EXOC3: variants seen among roughly 807,000 people sequenced by gnomAD.
The protein encoded by EXOC3 is exocyst complex component 3, also known as SEC6-like 1.
A neutral mutation model predicts 73.7 loss-of-function variants in EXOC3; 21 were observed. The observed-to-expected ratio is 0.29, with a 90% CI of 0.20 to 0.41. The LOEUF is 0.41. EXOC3 is among the 10% of genes least tolerant of loss of function. The pLI is 1.00. For synonymous variants in EXOC3, 410 were observed against 389.1 expected, an observed-to-expected ratio of 1.05 and a Z score of -0.63; for missense variants, 842 against 985.1, an observed-to-expected ratio of 0.85 and a Z score of 1.95.
chr5:461,039 T>G (rs1737968894), intron 7 of EXOC3, among the ~76,000 whole-genome samples: 2 of 152,256 alleles, frequency 1.3e-5, no homozygotes, highest in Non-Finnish European at 2.9e-5. Context: ...CTGTTTGTTT[T>G]CTTGACATTT....
chr5:447,863 G>T, intron 3 of EXOC3, 111 bp downstream of exon 3: 3 of 730,886 alleles, frequency 4.1e-6, no homozygotes, highest in South Asian at 2.0e-5. Flanking sequence ...CCTGTAGACG[G>T]TAAGTGTGAT....
chr5:453,365 C>G lies in EXOC3; in HGVS notation c.365-5C>G. 7 of 1,565,528 alleles carry G rather than the reference C, an allele frequency of 4.5e-6. No homozygotes were observed. The highest frequency in any genetic ancestry group is 6.1e-6 in the Non-Finnish European group (7 of 1,154,050). On this transcript the variant is annotated splice_polypyrimidine_tract_variant and splice_region_variant and intron_variant, in intron 3 of 12. Coordinates refer to ENST00000512944, the MANE Select transcript of EXOC3 (RefSeq NM_007277.5). ...TTTATGTTGTGTCTTGTGCCTTCTC[C>G]CTAGTGCCTGAGATTGTGAGGGAGA...
In EXOC3 at chr5:447,733, C is replaced by A; in HGVS notation, c.345C>A (p.Asn115Lys). The change falls in exon 3 of 13, where the codon AAC becomes AAA. Residue 115 changes from asparagine (N) to lysine (K), a missense_variant. Physicochemically the swap from Asn to Lys is moderately conservative, Grantham distance 94. Coordinates refer to ENST00000512944, the MANE Select transcript of EXOC3 (RefSeq NM_007277.5). ...QHSQLAAAVE[N>K]LKNIFSVPEI... ...GCCAGCTCGCCGCAGCCGTGGAGAA[C>A]CTCAAGAACATCTTCTCAGGTACCA... The A allele has an allele frequency of 6.4e-7, 1 of 1,570,324 alleles. No homozygotes were observed. Among genetic ancestry groups the A allele is most frequent in the South Asian group, 1.2e-5 (1 of 85,632 alleles).
At chr5:454,397 A>G (rs918219760) in intron 4 of EXOC3, among the ~76,000 whole-genome samples, 9 of 152,194 alleles carry the variant, frequency 5.9e-5, no homozygotes, top group African/African-American at 2.2e-4. Context: ...TTGTTACCCC[A>G]TTTTACAGGT....
At chr5:464,245 G>C (rs768885501) in intron 9 of EXOC3, 45 bp from the exon 10 acceptor site, 1 of 1,596,422 alleles carries the variant, frequency 6.3e-7, no homozygotes, top group African/African-American at 1.3e-5. Flanking sequence ...CGGCTCTCGT[G>C]GGACGTTGAG....
intron 7 of EXOC3, among the ~76,000 whole-genome samples, chr5:460,555 G>A (rs190328759): frequency 2.4e-3 from 368 of 151,740 alleles, no homozygotes; most frequent in African/African-American, 8.5e-3. Flanking sequence ...AGGGGTCACA[G>A]CTGAGTCCCC....
Position 456,957 on chromosome 5 carries a change from C to G in EXOC3, c.1115C>G (p.Ser372Cys), listed in dbSNP as rs374306504. ...VDVGTLEPLL[S>C]PHVVSELLDT... The stretch of plus-strand genomic sequence containing the variant: ...GTCGGCACCCTGGAGCCATTGCTTT[C>G]TCCACACGTGGTCTCTGAGCTGCTT... Residue 372 changes from serine to cysteine, a missense_variant, in exon 5 of 13, where the codon TCT becomes TGT. Transcript: ENST00000512944. 4 of 1,613,960 alleles carry G rather than the reference C, an allele frequency of 2.5e-6. No homozygotes were observed. Among genetic ancestry groups the G allele is most frequent in the African/African-American group, 1.3e-5 (1 of 74,958 alleles).
intron 7 of EXOC3, among the ~76,000 whole-genome samples, chr5:460,987 G>T (rs569704878): frequency 6.6e-6 from 1 of 152,276 alleles, no homozygotes; most frequent in African/African-American, 2.4e-5. Flanking sequence ...AGGTGCTTGA[G>T]CATCCCCACA....
chr5:457,236 G>A, intron 5 of EXOC3: 1 of 546,410 alleles, frequency 1.8e-6, no homozygotes, highest in Non-Finnish European at 3.3e-6. Context: ...CTGGAGACGT[G>A]AGCCTGTGCC....
At chr5:462,103 G>T (rs781391611) in intron 8 of EXOC3, 33 bp downstream of exon 8, 1 of 1,595,252 alleles carries the variant, frequency 6.3e-7, no homozygotes, top group South Asian at 1.1e-5. Flanking sequence ...GCGGGGGAGC[G>T]GTGGAGGCCG....
intron 3 of EXOC3, among the ~76,000 whole-genome samples, chr5:452,294 C>T (rs1055021001): frequency 4.6e-5 from 7 of 152,116 alleles, no homozygotes; most frequent in African/African-American, 9.7e-5. Context: ...TTCTTTCTTG[C>T]GCCTGTGCAG....
At chr5:462,408 G>C in intron 9 of EXOC3, 101 bp downstream of exon 9, 1 of 1,358,464 alleles carries the variant, frequency 7.4e-7, no homozygotes, top group Non-Finnish European at 1.0e-6. Flanking sequence ...TGCGGATGCC[G>C]TCTGGGGAGC....
At chr5:457,342 G>A (rs1235083651) in intron 5 of EXOC3, 11 of 334,732 alleles carry the variant, frequency 3.3e-5, no homozygotes, top group African/African-American at 6.4e-5. Flanking sequence ...GGGGGGGTCC[G>A]TCAAGGACCA....
intron 12 of EXOC3, 79 bp downstream of exon 12, chr5:465,924 T>C: frequency 6.7e-7 from 1 of 1,484,824 alleles, no homozygotes; most frequent in East Asian, 2.5e-5. Context: ...CTGGGGCGGG[T>C]GGGGCTCCTG....
Position 447,756 on chromosome 5 carries a change from C to T in EXOC3, c.364+4C>T. On this transcript the variant is annotated splice_donor_region_variant and intron_variant, in intron 3 of 12. Coordinates refer to ENST00000512944, the MANE Select transcript of EXOC3 (RefSeq NM_007277.5). ...AACCTCAAGAACATCTTCTCAGGTA[C>T]CAGCCAGACGCCGAGGCACTTGCCC... The T allele has an allele frequency of 1.3e-6, 2 of 1,539,092 alleles. No individual in the cohort carries two copies. Among genetic ancestry groups the T allele is most frequent in the South Asian group, 1.2e-5 (1 of 82,234 alleles).
intron 4 of EXOC3, among the ~76,000 whole-genome samples, chr5:455,072 T>C (rs1438154573): frequency 6.6e-6 from 1 of 152,200 alleles, no homozygotes; most frequent in Non-Finnish European, 1.5e-5. Context: ...TGGCTCTCTG[T>C]GCACAGCCCT....
chr5:463,425 A>G (rs567983513), intron 9 of EXOC3, among the ~76,000 whole-genome samples: 25 of 152,360 alleles, frequency 1.6e-4, no homozygotes, highest in African/African-American at 5.3e-4. Flanking sequence ...TAGACGCCCG[A>G]TCTTATCCTC....
Position 448,241 on chromosome 5 carries a change from C to T in EXOC3, c.364+489C>T, listed in dbSNP as rs888139186. On this transcript the variant is annotated intron_variant, in intron 3 of 12. Transcript: ENST00000512944. Reference sequence around the variant, plus strand: ...CCAGGGCAGAGGCGGGGCTGAGCGCCGTGGGGGAGTGACCCTTTCAGTCTT... The same window carrying T: ...CCAGGGCAGAGGCGGGGCTGAGCGCTGTGGGGGAGTGACCCTTTCAGTCTT... Among the ~76,000 whole-genome samples the T allele has an allele frequency of 2.6e-5, 4 of 152,194 alleles. 1 individual carries two copies. Among genetic ancestry groups the T allele is most frequent in the Non-Finnish European group, 2.9e-5 (2 of 68,034 alleles).
Position 443,229 on chromosome 5 carries a change from G to GGGCGGCGGCGGCGGCGGCGGCGGCGGC in EXOC3, c.-95_-69dup, listed in dbSNP as rs11274307. On this transcript the variant is annotated 5_prime_UTR_variant, in exon 1 of 13. Coordinates refer to ENST00000512944, the MANE Select transcript of EXOC3 (RefSeq NM_007277.5). Reference sequence around the variant, plus strand: ...GCAGCGAAGGCGGAGGGGGCGGCGGGGGCGGCGGCGGCGGCGGCGGCGGCG... The same window carrying GGGCGGCGGCGGCGGCGGCGGCGGCGGC: ...GCAGCGAAGGCGGAGGGGGCGGCGGGGGCGGCGGCGGCGGCGGCGGCGGCGGCGGCGGCGGCGGCGGCGGCGGCGGCG... 5.3e-4 allele frequency: 74 copies of GGGCGGCGGCGGCGGCGGCGGCGGCGGC among 138,904 alleles called. 1 individual carries two copies. Among genetic ancestry groups the GGGCGGCGGCGGCGGCGGCGGCGGCGGC allele is most frequent in the East Asian group, 9.9e-4 (5 of 5,042 alleles). 8.6% of individuals were successfully genotyped at this position (138,904 alleles called of 1,614,324 possible). A position where few individuals can be genotyped will look rare whatever the true frequency, so the allele number is the denominator to read the frequency against.
Sources: gnomAD v4.1 joint callset for allele counts (sites outside exome capture counted in the v4.1 genomes callset) on GRCh38, gnomAD v4.1.1 for gene constraint, MANE v1.5 for transcripts, NCBI Gene and HGNC (gene_info 2026-07-23, HGNC 2026-07-21) for gene names.